The following PTPRC variants were observed in gnomAD, a reference collection of about 807,000 sequenced individuals.
The protein encoded by PTPRC is protein tyrosine phosphatase receptor type C, also known as receptor-type tyrosine-protein phosphatase C.
PTPRC carries 44 observed loss-of-function variants against 155.9 expected under a neutral mutation model. The observed-to-expected ratio is 0.28, with a 90% CI of 0.22 to 0.36. The LOEUF is 0.36. Among genes scored for constraint, PTPRC ranks in the 10% least tolerant of loss-of-function variants. PTPRC has a pLI of 1.00. For synonymous variants in PTPRC, 525 were observed against 533.1 expected (o/e 0.98, Z 0.21); for missense variants, 1,401 against 1,564.6 (o/e 0.90, Z 1.76).
In PTPRC at chr1:198,735,150, G is replaced by A. The variant is rs146416193; in HGVS notation, c.2301G>A (p.Pro767=). 3.2e-5 allele frequency: 52 copies of A among 1,602,428 alleles called. No individual in the cohort carries two copies. Among genetic ancestry groups the A allele is most frequent in the Middle Eastern group, 1.7e-4 (1 of 5,984 alleles). ...GNRNKCAEYW[P]SMEEGTRAFG... is the part of the protein sequence containing the mutation. ...AGAACAAGTGTGCAGAATACTGGCC[G>A]TCAATGGAAGAGGGCACTCGGGCTT... Residue 767 remains proline, a synonymous_variant, in exon 23 of 33, where the codon CCG becomes CCA. Transcript: ENST00000442510.
At chr1:198,713,650 G>T (rs910447838) in intron 12 of PTPRC, among the ~76,000 whole-genome samples, 2 of 152,082 alleles carry the variant, frequency 1.3e-5, no homozygotes, top group African/African-American at 4.8e-5. Flanking sequence ...CTCATGAAAT[G>T]TTCAAATGAG....
chr1:198,696,398 T>C (rs1232298384), intron 3 of PTPRC, among the ~76,000 whole-genome samples: 1 of 152,092 alleles, frequency 6.6e-6, no homozygotes, highest in African/African-American at 2.4e-5. Context: ...GAGAAGCTGC[T>C]TTCAATTTCA....
Position 198,708,210 on chromosome 1 carries a change from A to G in PTPRC, c.982A>G (p.Ile328Val), listed in dbSNP as rs41314039. 9.2e-4 allele frequency: 1,484 copies of G among 1,606,130 alleles called. 1 individual carries two copies. Among genetic ancestry groups the G allele is most frequent in the Non-Finnish European group, 1.2e-3 (1,398 of 1,173,400 alleles). The change falls in exon 10 of 33, where the codon ATT becomes GTT. Residue 328 changes from isoleucine to valine, a missense_variant. Ile to Val is a conservative substitution (Grantham distance 29). Coordinates refer to ENST00000442510, the MANE Select transcript of PTPRC (RefSeq NM_002838.5). ...DTTICLKWKN[I>V]ETFTCDTQNI... is the part of the protein sequence containing the mutation. ...TACTATTTGTTTAAAATGGAAAAAT[A>G]TTGAAACCTTTACTTGTGATACACA...
intron 2 of PTPRC, among the ~76,000 whole-genome samples, chr1:198,651,300 G>GTGTGTGTA (rs1663235681): frequency 6.6e-6 from 1 of 151,090 alleles, no homozygotes; most frequent in Non-Finnish European, 1.5e-5. Context: ...GATTGTGTGT[G>GTGTGTGTA]TGTGTGTGTG....
Position 198,757,046 on chromosome 1 carries a change from GA to G in PTPRC, c.*867del, listed in dbSNP as rs1655714457. 1 of 151,596 alleles carries G rather than the reference GA, an allele frequency of 6.6e-6. No individual in the cohort carries two copies. Among genetic ancestry groups the G allele is most frequent in the Admixed American group, 6.6e-5 (1 of 15,214 alleles). 9.4% of individuals were successfully genotyped at this position (151,596 alleles called of 1,614,324 possible). A position where few individuals can be genotyped will look rare whatever the true frequency, so the allele number is the denominator to read the frequency against. On this transcript the variant is annotated 3_prime_UTR_variant, in exon 33 of 33. Transcript: ENST00000442510. The stretch of plus-strand genomic sequence containing the variant: ...TAATATTCATTGTATAAAAATAGAA[GA>G]ATACAAACATATTTGTTAAATATTT...
intron 28 of PTPRC, 79 bp downstream of exon 28, chr1:198,749,628 G>A (rs886888550): frequency 3.1e-5 from 44 of 1,404,336 alleles, no homozygotes; most frequent in Non-Finnish European, 4.0e-5. Context: ...TTCATTAAGC[G>A]ATTTTATAAA....
chr1:198,695,107 A>G (rs945004340), intron 3 of PTPRC: 79 of 906,082 alleles, frequency 8.7e-5, no homozygotes, highest in Non-Finnish European at 1.0e-4. Context: ...ATTGAATTTT[A>G]TCTGTATTTA....
intron 4 of PTPRC, among the ~76,000 whole-genome samples, chr1:198,698,914 C>T (rs1214029569): frequency 2.0e-5 from 3 of 152,122 alleles, no homozygotes; most frequent in Non-Finnish European, 4.4e-5. Context: ...ATCCTCCAGG[C>T]TCTCAACATA....
Position 198,716,710 on chromosome 1 carries a change from C to A in PTPRC, c.1320C>A (p.Asn440Lys), listed in dbSNP as rs1653604546. 1.2e-6 allele frequency: 2 copies of A among 1,612,010 alleles called. No homozygotes were observed. The highest frequency in any genetic ancestry group is 2.2e-5 in the South Asian group (2 of 90,950). The stretch of plus-strand genomic sequence containing the variant: ...AAGATTGCCTCAATCTGGATAAAAA[C>A]CTGATCAAATATGATTTGCAAAATT... ...TEKDCLNLDK[N>K]LIKYDLQNLK... Residue 440 changes from asparagine to lysine, a missense_variant, in exon 13 of 33, where the codon AAC becomes AAA. By Grantham distance (94) the Asn-to-Lys change is moderately conservative. Transcript: ENST00000442510.
At chr1:198,657,897 T>A (rs887548836) in intron 2 of PTPRC, 1 of 152,168 alleles carries the variant, frequency 6.6e-6, no homozygotes, top group Non-Finnish European at 1.5e-5. Flanking sequence ...AAAAATGCAT[T>A]TGTGGCATCT....
intron 9 of PTPRC, 45 bp downstream of exon 9, chr1:198,706,997 C>T: frequency 2.0e-6 from 3 of 1,474,186 alleles, no homozygotes; most frequent in Non-Finnish European, 2.8e-6. Context: ...AAAAACAGTA[C>T]ACTTTTGTGT....
At chr1:198,754,172 A>G in intron 31 of PTPRC, 97 bp from the exon 32 acceptor site, 1 of 1,400,350 alleles carries the variant, frequency 7.1e-7, no homozygotes, top group African/African-American at 1.4e-5. Context: ...GATAAACATG[A>G]AGCAAAAAAT....
chr1:198,694,225 C>T, intron 3 of PTPRC: 3 of 1,357,166 alleles, frequency 2.2e-6, no homozygotes, highest in Non-Finnish European at 2.9e-6. Flanking sequence ...AAGATGAAGA[C>T]CAGAAGACTC....
At chr1:198,749,890 T>A (rs1247463785) in intron 28 of PTPRC, among the ~76,000 whole-genome samples, 1 of 151,912 alleles carries the variant, frequency 6.6e-6, no homozygotes, top group African/African-American at 2.4e-5. Context: ...TTGTAGGCAA[T>A]GACAAATTTG....
chr1:198,700,077 G>A (rs1456513063), intron 5 of PTPRC: 2 of 305,668 alleles, frequency 6.5e-6, no homozygotes, highest in Non-Finnish European at 1.3e-5. Flanking sequence ...AGGGTGAAGA[G>A]TGATTCCTAT....
In PTPRC at chr1:198,742,052, AAC is replaced by A. The variant is rs200643519; in HGVS notation, c.2561+28_2561+29del. ...GTAGGAAAAACGAACAAAAAAAAAA[AAC>A]AACAACAAAAAAACTCCAACAGAAT... is the stretch of plus-strand genomic sequence containing the variant. On this transcript the variant is annotated intron_variant, in intron 24 of 32. Coordinates refer to ENST00000442510, the MANE Select transcript of PTPRC (RefSeq NM_002838.5). 0.012 allele frequency: 18,861 copies of A among 1,605,296 alleles called. 28 individuals are homozygous for A. Among genetic ancestry groups the A allele is most frequent in the Non-Finnish European group, 0.012 (14,170 of 1,174,570 alleles).
intron 2 of PTPRC, among the ~76,000 whole-genome samples, chr1:198,653,130 C>G (rs953928373): frequency 1.3e-5 from 2 of 151,752 alleles, no homozygotes; most frequent in Non-Finnish European, 2.9e-5. Context: ...TCCCATCTAT[C>G]TTAATTAGTC....
Position 198,687,786 on chromosome 1 carries a change from C to T in PTPRC, c.74-4561C>T, listed in dbSNP as rs181453717. ...ATGGCTTATTAAAATTGATATGTTG[C>T]TTTAAGTTGCATCACTCTAGTGCAT... On this transcript the variant is annotated intron_variant, in intron 2 of 32. Coordinates refer to ENST00000442510, the MANE Select transcript of PTPRC (RefSeq NM_002838.5). Among the ~76,000 whole-genome samples, 12 of 152,072 alleles carry T rather than the reference C, an allele frequency of 7.9e-5. No individual in the cohort carries two copies. The East Asian group carries it at 2.1e-3, about 27-fold the overall frequency.
intron 15 of PTPRC, 103 bp downstream of exon 15, chr1:198,722,579 TTAAATAA>T: frequency 1.8e-6 from 1 of 549,584 alleles, no homozygotes; most frequent in Non-Finnish European, 2.6e-6. Flanking sequence ...TGTTAAATGC[TTAAATAA>T]TATCTCTTCC....
Sources: gnomAD v4.1 joint callset for allele counts (sites outside exome capture counted in the v4.1 genomes callset) on GRCh38, gnomAD v4.1.1 for gene constraint, MANE v1.5 for transcripts, NCBI Gene and HGNC (gene_info 2026-07-23, HGNC 2026-07-21) for gene names.